SRPK2: variants seen among roughly 807,000 people sequenced by gnomAD.
SRPK2 encodes SRSF protein kinase 2.
A neutral mutation model predicts 90.8 loss-of-function variants in SRPK2; 21 were observed. That is an observed-to-expected ratio of 0.23 (90% confidence interval 0.16 to 0.33). The LOEUF (loss-of-function observed/expected upper bound fraction) is 0.33. SRPK2 is among the 10% of genes least tolerant of loss of function. The pLI, the probability that SRPK2 is intolerant of heterozygous loss-of-function variation, is 1.00. For missense variants in SRPK2, 620 were observed against 869.0 expected, an observed-to-expected ratio of 0.71 and a Z score of 3.60; for synonymous variants, 288 against 311.1, an observed-to-expected ratio of 0.93 and a Z score of 0.78.
intron 2 of SRPK2, among the ~76,000 whole-genome samples, chr7:105,235,733 A>G (rs1800051382): frequency 1.3e-5 from 2 of 152,210 alleles, no homozygotes; most frequent in Non-Finnish European, 2.9e-5. Context: ...TATCTTTAAA[A>G]AAAAAACTAT....
intron 6 of SRPK2, among the ~76,000 whole-genome samples, chr7:105,163,513 G>A (rs979642209): frequency 7.9e-5 from 12 of 152,204 alleles, no homozygotes; most frequent in African/African-American, 2.9e-4. Context: ...AAAAGTTTGC[G>A]GCCGGGCATG....
chr7:105,377,692 C>A (rs1164009957), intron 2 of SRPK2, among the ~76,000 whole-genome samples: 1 of 151,782 alleles, frequency 6.6e-6, no homozygotes. Flanking sequence ...AGAGCAAGAC[C>A]CCGTATCAAA....
intron 3 of SRPK2, among the ~76,000 whole-genome samples, chr7:105,172,264 T>C (rs1255029619): frequency 6.6e-6 from 1 of 152,208 alleles, no homozygotes. Flanking sequence ...CCAGTATAAT[T>C]AGGAACACTG....
rs201684519 is a variant in SRPK2 at position 105,396,812 on chromosome 7, AAG to A, written n.153+2342_153+2343del. On this transcript the variant is annotated intron_variant and non_coding_transcript_variant, in intron 1 of 3. Transcript: ENST00000462282. ...AAAGAAAGAGAAAGAGAAAGAAAGA[AAG>A]AGAGAAAGAGAGAGAGAGAGAGAAA... is the stretch of plus-strand genomic sequence containing the variant. Among the ~76,000 whole-genome samples, 505 of 71,602 alleles carry A rather than the reference AAG, an allele frequency of 7.1e-3. 4 individuals carry two copies. Among genetic ancestry groups the A allele is most frequent in the African/African-American group, 0.018 (472 of 26,266 alleles). 47.0% of individuals were successfully genotyped at this position (71,602 alleles called of 152,430 possible). A position where few individuals can be genotyped will look rare whatever the true frequency, so the allele number is the denominator to read the frequency against.
chr7:105,221,274 GA>G (rs1485036646), intron 2 of SRPK2, among the ~76,000 whole-genome samples: 6 of 152,200 alleles, frequency 3.9e-5, no homozygotes, highest in Non-Finnish European at 7.3e-5. Context: ...ACTAGAATTT[GA>G]AAAGTACAGA....
intron 1 of SRPK2, among the ~76,000 whole-genome samples, chr7:105,397,312 G>A (rs1822359346): frequency 6.6e-6 from 1 of 150,620 alleles, no homozygotes; most frequent in African/African-American, 2.4e-5. Flanking sequence ...CACCATGCCC[G>A]ACCCCCTTGA....
chr7:105,129,422 C>G (rs1006093945), intron 13 of SRPK2, among the ~76,000 whole-genome samples: 1 of 152,190 alleles, frequency 6.6e-6, no homozygotes, highest in African/African-American at 2.4e-5. Context: ...ATTGCCCAGG[C>G]TGAGTGCAGC....
chr7:105,144,625 C>CT (rs1227455988), intron 9 of SRPK2, among the ~76,000 whole-genome samples: 25 of 152,292 alleles, frequency 1.6e-4, no homozygotes, highest in African/African-American at 5.8e-4. Context: ...AAAATTAGAA[C>CT]AACAGCTTCA....
chr7:105,165,991 C>T (rs1790007085), intron 6 of SRPK2, among the ~76,000 whole-genome samples: 1 of 152,090 alleles, frequency 6.6e-6, no homozygotes, highest in African/African-American at 2.4e-5. Flanking sequence ...ACACTCACTG[C>T]AAGGTCCGCA....
chr7:105,305,416 G>A (rs1410879926), intron 2 of SRPK2, among the ~76,000 whole-genome samples: 2 of 145,634 alleles, frequency 1.4e-5, no homozygotes, highest in Non-Finnish European at 3.0e-5. Flanking sequence ...ACACAGTCTC[G>A]CACAATAGAG....
At chr7:105,344,058 C>A (rs1816156269) in intron 2 of SRPK2, among the ~76,000 whole-genome samples, 1 of 152,204 alleles carries the variant, frequency 6.6e-6, no homozygotes, top group Non-Finnish European at 1.5e-5. Context: ...GCGACCACGC[C>A]TGGCCTACAA....
At chr7:105,361,886 T>G (rs568301567) in intron 2 of SRPK2, among the ~76,000 whole-genome samples, 1 of 152,130 alleles carries the variant, frequency 6.6e-6, no homozygotes, top group Non-Finnish European at 1.5e-5. Context: ...GAAGAAAACC[T>G]AGGCAATACC....
intron 2 of SRPK2, among the ~76,000 whole-genome samples, chr7:105,234,158 CTGAT>C (rs1438871602): frequency 2.0e-5 from 3 of 151,968 alleles, no homozygotes; most frequent in African/African-American, 7.3e-5. Flanking sequence ...GTAAATGAGA[CTGAT>C]TATTTTAGTA....
At chr7:105,201,024 A>G (rs1193379529) in intron 3 of SRPK2, among the ~76,000 whole-genome samples, 2 of 152,180 alleles carry the variant, frequency 1.3e-5, no homozygotes, top group African/African-American at 2.4e-5. Flanking sequence ...AAAATGTACT[A>G]AAGTATTCAG....
At chr7:105,281,668 T>TAA (rs58671941) in intron 2 of SRPK2, among the ~76,000 whole-genome samples, 30 of 145,458 alleles carry the variant, frequency 2.1e-4, no homozygotes, top group East Asian at 4.0e-4. Flanking sequence ...GTTGCTAAGG[T>TAA]AAAAAAAAAA....
At chr7:105,276,447 A>T (rs1230342072) in intron 2 of SRPK2, among the ~76,000 whole-genome samples, 2 of 152,092 alleles carry the variant, frequency 1.3e-5, no homozygotes, top group African/African-American at 4.8e-5. Flanking sequence ...GACTATGACA[A>T]ACAAATGCAG....
Position 105,142,125 on chromosome 7 carries a change from C to T in SRPK2, c.1426G>A (p.Val476Met), listed in dbSNP as rs1562976973. ...TSLFSGSLEPVACGSVLSEGS... is the reference protein window; with the variant it reads ...TSLFSGSLEPMACGSVLSEGS... ...TCAGAAAGCACAGAGCCGCAGGCCA[C>T]AGGTTCTAAGGATCCAGAGAACAAC... Residue 476 changes from valine to methionine, a missense_variant, in exon 11 of 16, where the codon GTG becomes ATG. By Grantham distance (21) the Val-to-Met change is conservative. Transcript: ENST00000393651. 1 of 1,614,062 alleles carries T rather than the reference C, an allele frequency of 6.2e-7. No homozygotes were observed. Among genetic ancestry groups the T allele is most frequent in the Non-Finnish European group, 8.5e-7 (1 of 1,180,030 alleles).
intron 3 of SRPK2, among the ~76,000 whole-genome samples, chr7:105,175,220 C>G (rs1313529258): frequency 6.7e-6 from 1 of 150,010 alleles, no homozygotes; most frequent in African/African-American, 2.4e-5. Flanking sequence ...AAATTACAAA[C>G]CAAGAAGAGA....
chr7:105,275,962 T>G (rs1398155852), intron 2 of SRPK2, among the ~76,000 whole-genome samples: 1 of 152,220 alleles, frequency 6.6e-6, no homozygotes, highest in Non-Finnish European at 1.5e-5. Flanking sequence ...TAGAGCTACA[T>G]CCTTTTTCAA....
Sources: allele counts gnomAD v4.1 joint callset (sites outside exome capture counted in the v4.1 genomes callset), GRCh38; gene constraint gnomAD v4.1.1; transcripts MANE v1.5; gene names NCBI Gene and HGNC (gene_info 2026-07-23, HGNC 2026-07-21).